LSAMP: variants seen among roughly 807,000 people sequenced by gnomAD.
LSAMP encodes the protein limbic system associated membrane protein.
In LSAMP, 7 loss-of-function variants were observed where a neutral mutation model predicts 38.6. The observed-to-expected ratio is 0.18, with a 90% confidence interval of 0.10 to 0.34. The LOEUF is 0.34. Among genes scored for constraint, LSAMP ranks in the 10% least tolerant of loss-of-function variants. The probability of loss-of-function intolerance (pLI) is 1.00; values close to 1 mark genes in which losing one functional copy is unlikely to be tolerated. For synonymous variants in LSAMP, 154 were observed against 166.8 expected, an observed-to-expected ratio of 0.92 and a Z score of 0.59; for missense variants, 313 against 420.0, an observed-to-expected ratio of 0.75 and a Z score of 2.23.
At chr3:116,083,561 C>T in intron 2 of LSAMP, among the ~76,000 whole-genome samples, 1 of 152,132 alleles carries the variant, frequency 6.6e-6, no homozygotes, top group Non-Finnish European at 1.5e-5. Context: ...CTCATAGCAC[C>T]TTTGAGCTCA....
chr3:116,258,807 G>A (rs990352798), intron 1 of LSAMP, among the ~76,000 whole-genome samples: 4 of 152,062 alleles, frequency 2.6e-5, no homozygotes, highest in East Asian at 1.9e-4. Context: ...CTTATGATTC[G>A]TATAGTCATA....
At chr3:116,219,282 C>A (rs2046255286) in intron 1 of LSAMP, among the ~76,000 whole-genome samples, 1 of 152,150 alleles carries the variant, frequency 6.6e-6, no homozygotes, top group Non-Finnish European at 1.5e-5. Flanking sequence ...ATTGTGGAAT[C>A]TCCTTTTTAA....
intron 1 of LSAMP, among the ~76,000 whole-genome samples, chr3:116,406,144 A>G (rs2048894648): frequency 6.6e-6 from 1 of 152,124 alleles, no homozygotes; most frequent in African/African-American, 2.4e-5. Context: ...AACAAACAAC[A>G]TGGTATCTGA....
intron 2 of LSAMP, among the ~76,000 whole-genome samples, chr3:116,065,486 C>G (rs1707406172): frequency 1.3e-5 from 2 of 152,168 alleles, no homozygotes; most frequent in Admixed American, 1.3e-4. Context: ...GAGGGCTATA[C>G]TTGGAATAAA....
intron 1 of LSAMP, among the ~76,000 whole-genome samples, chr3:116,127,739 A>T: frequency 7.7e-6 from 1 of 129,452 alleles, no homozygotes; most frequent in African/African-American, 2.9e-5. Context: ...CTGTTGGATC[A>T]CGAGGCAAAT....
At chr3:116,095,855 GAA>G (rs1708215444) in intron 1 of LSAMP, among the ~76,000 whole-genome samples, 1 of 152,136 alleles carries the variant, frequency 6.6e-6, no homozygotes, top group Non-Finnish European at 1.5e-5. Context: ...TGGTGAAGTG[GAA>G]AAGTTATGGG....
chr3:115,908,258 G>A (rs1213437474), intron 3 of LSAMP, among the ~76,000 whole-genome samples: 1 of 152,046 alleles, frequency 6.6e-6, no homozygotes, highest in African/African-American at 2.4e-5. Context: ...AAGATCACCT[G>A]TCACTGAAAA....
intron 3 of LSAMP, among the ~76,000 whole-genome samples, chr3:115,863,265 A>G (rs1329178685): frequency 2.0e-5 from 3 of 152,292 alleles, no homozygotes; most frequent in Admixed American, 1.3e-4. Context: ...AAGAAAGTCC[A>G]CAAGACTCTC....
intron 3 of LSAMP, among the ~76,000 whole-genome samples, chr3:115,946,290 G>T (rs1030671559): frequency 6.6e-6 from 1 of 152,166 alleles, no homozygotes; most frequent in South Asian, 2.1e-4. Context: ...TTGGGGAAAT[G>T]CAGGTCAAAG....
At chr3:116,131,079 CT>C (rs1262830709) in intron 1 of LSAMP, among the ~76,000 whole-genome samples, 1 of 148,858 alleles carries the variant, frequency 6.7e-6, no homozygotes, top group African/African-American at 2.5e-5. Flanking sequence ...CAAGCTCCAT[CT>C]CCCAGGTTCA....
intron 1 of LSAMP, among the ~76,000 whole-genome samples, chr3:116,220,185 AACACACACAC>A (rs3974285): frequency 1.4e-5 from 2 of 141,374 alleles, no homozygotes; most frequent in East Asian, 2.1e-4. Flanking sequence ...TCCATCTCAA[AACACACACAC>A]ACACACACAC....
chr3:116,371,984 T>C (rs1027527586), intron 1 of LSAMP, among the ~76,000 whole-genome samples: 2 of 151,914 alleles, frequency 1.3e-5, no homozygotes, highest in African/African-American at 2.4e-5. Context: ...ATAAGAAAGA[T>C]GTACAATAAA....
intron 1 of LSAMP, among the ~76,000 whole-genome samples, chr3:116,371,726 G>A (rs755512458): frequency 6.6e-6 from 1 of 151,998 alleles, no homozygotes; most frequent in Non-Finnish European, 1.5e-5. Flanking sequence ...TATCCAAATT[G>A]AAATGGAAAA....
intron 2 of LSAMP, among the ~76,000 whole-genome samples, chr3:116,081,636 C>T (rs1385366401): frequency 6.6e-6 from 1 of 151,928 alleles, no homozygotes; most frequent in East Asian, 1.9e-4. Context: ...ACATGTTGGT[C>T]TTATAAGGAG....
chr3:115,887,007 A>T (rs901565598), intron 3 of LSAMP, among the ~76,000 whole-genome samples: 4 of 151,956 alleles, frequency 2.6e-5, no homozygotes, highest in Non-Finnish European at 4.4e-5. Flanking sequence ...CCTAATATGA[A>T]ATGCTATGCC....
chr3:116,407,129 A>G (rs921432579), intron 1 of LSAMP, among the ~76,000 whole-genome samples: 1 of 152,080 alleles, frequency 6.6e-6, no homozygotes, highest in African/African-American at 2.4e-5. Context: ...CTGTCTGTGA[A>G]GGGAACACAC....
intron 1 of LSAMP, among the ~76,000 whole-genome samples, chr3:116,304,933 G>A (rs544910839): frequency 6.6e-6 from 1 of 152,110 alleles, no homozygotes; most frequent in African/African-American, 2.4e-5. Flanking sequence ...TGGAAGAAAA[G>A]GACGAAAGTC....
intron 1 of LSAMP, among the ~76,000 whole-genome samples, chr3:116,338,346 A>G (rs1238190678): frequency 6.6e-6 from 1 of 151,970 alleles, no homozygotes; most frequent in Non-Finnish European, 1.5e-5. Context: ...CCTTATCAAG[A>G]TAATTACCAA....
chr3:115,972,604 A>G (rs951859734), intron 3 of LSAMP, among the ~76,000 whole-genome samples: 16 of 151,604 alleles, frequency 1.1e-4, no homozygotes, highest in Non-Finnish European at 4.4e-5. Context: ...TGGCTTCAGA[A>G]AAGCCAAGAA....
Sources: gnomAD v4.1 joint callset for allele counts (sites outside exome capture counted in the v4.1 genomes callset) on GRCh38, gnomAD v4.1.1 for gene constraint, MANE v1.5 for transcripts, NCBI Gene and HGNC (gene_info 2026-07-23, HGNC 2026-07-21) for gene names.